IL34: variants seen among roughly 807,000 people sequenced by gnomAD.
IL34 encodes interleukin-34.
In IL34, 17 loss-of-function variants were observed where a neutral mutation model predicts 25.3. The ratio of observed to expected loss-of-function variants is 0.67; its 90% CI spans 0.46 to 1.01. The LOEUF (loss-of-function observed/expected upper bound fraction) is 1.01, where lower values mean the gene tolerates loss of function less well. IL34 is among the 50% of genes least tolerant of loss of function. The pLI is 0.00. For synonymous variants in IL34, 174 were observed against 140.9 expected (o/e 1.23, Z -1.66); for missense variants, 368 against 312.9 (o/e 1.18, Z -1.33).
intron 1 of IL34, among the ~76,000 whole-genome samples, chr16:70,596,777 G>C (rs942645037): frequency 6.6e-6 from 1 of 152,146 alleles, no homozygotes; most frequent in African/African-American, 2.4e-5. Context: ...TTTTTGTAGA[G>C]ACAAGGTCTG....
At chr16:70,610,633 G>T (rs1043903977) in intron 1 of IL34, among the ~76,000 whole-genome samples, 1 of 152,200 alleles carries the variant, frequency 6.6e-6, no homozygotes, top group African/African-American at 2.4e-5. Context: ...GGAAAGTGCC[G>T]CAGAGGGAGT....
In IL34 at chr16:70,654,268, C is replaced by T. The variant is rs535767005; in HGVS notation, c.29-270C>T. 3.5e-4 allele frequency: 107 copies of T among 308,754 alleles called. 1 individual carries two copies. The South Asian group carries it at 0.011, about 31-fold the overall frequency. 19.1% of individuals were successfully genotyped at this position (308,754 alleles called of 1,614,324 possible). On this transcript the variant is annotated intron_variant, in intron 1 of 5. Coordinates refer to ENST00000288098, the MANE Select transcript of IL34 (RefSeq NM_001393494.1). ...GAGCGACAGAAGCGGGGAGACCAGA[C>T]GTCGACCCTGAGGCGTGCCTCCTGG...
chr16:70,612,475 C>T, intron 1 of IL34, among the ~76,000 whole-genome samples: 1 of 152,170 alleles, frequency 6.6e-6, no homozygotes, highest in East Asian at 1.9e-4. Flanking sequence ...AGGTAAGGCC[C>T]ACTCTGCCGT....
intron 1 of IL34, among the ~76,000 whole-genome samples, chr16:70,650,154 C>T (rs1278138050): frequency 6.6e-6 from 1 of 152,122 alleles, no homozygotes; most frequent in Admixed American, 6.6e-5. Flanking sequence ...GTCTCCTGAC[C>T]AAGGTCAGGG....
intron 1 of IL34, among the ~76,000 whole-genome samples, chr16:70,602,592 T>C (rs1355957843): frequency 6.6e-6 from 1 of 150,512 alleles, no homozygotes; most frequent in Admixed American, 6.6e-5. Flanking sequence ...GATGTGTGTG[T>C]GTGTGTGTGT....
At chr16:70,644,907 G>C (rs1597773257), upstream of IL34, among the ~76,000 whole-genome samples, 3 of 119,842 alleles carry the variant, frequency 2.5e-5, no homozygotes, top group Admixed American at 8.2e-5. Context: ...AGGAGGAAGA[G>C]GAGGGAGGAG....
At chr16:70,617,638 T>G (rs2051193698) in intron 1 of IL34, among the ~76,000 whole-genome samples, 1 of 152,186 alleles carries the variant, frequency 6.6e-6, no homozygotes, top group South Asian at 2.1e-4. Context: ...GTAAAAGTAT[T>G]GTCCAGTCCT....
chr16:70,626,941 A>G (rs1053589285), intron 1 of IL34, among the ~76,000 whole-genome samples: 1 of 151,960 alleles, frequency 6.6e-6, no homozygotes, highest in African/African-American at 2.4e-5. Flanking sequence ...CTTTCTGTTC[A>G]TGTTCATTCA....
intron 1 of IL34, among the ~76,000 whole-genome samples, chr16:70,627,261 G>T (rs912444683): frequency 6.6e-6 from 1 of 152,146 alleles, no homozygotes; most frequent in Non-Finnish European, 1.5e-5. Flanking sequence ...ACACAGGAAA[G>T]CTGAAGTATA....
chr16:70,631,752 G>A (rs531168152), intron 1 of IL34, among the ~76,000 whole-genome samples: 40 of 152,232 alleles, frequency 2.6e-4, no homozygotes, highest in African/African-American at 9.1e-4. Flanking sequence ...TACACTGGGC[G>A]GGATAGCCCA....
intron 1 of IL34, among the ~76,000 whole-genome samples, chr16:70,601,152 C>G (rs2151817793): frequency 6.6e-6 from 1 of 152,068 alleles, no homozygotes; most frequent in Non-Finnish European, 1.5e-5. Flanking sequence ...GGTGAGGGTG[C>G]CCTACTGGGC....
At chr16:70,641,163 G>C (rs919504911) in intron 1 of IL34, among the ~76,000 whole-genome samples, 1 of 152,042 alleles carries the variant, frequency 6.6e-6, no homozygotes, top group Admixed American at 6.6e-5. Context: ...AATCATAGCT[G>C]CTTGGGAGGC....
At chr16:70,607,260 C>T (rs759668764) in intron 1 of IL34, among the ~76,000 whole-genome samples, 2 of 152,160 alleles carry the variant, frequency 1.3e-5, no homozygotes, top group South Asian at 4.1e-4. Flanking sequence ...CACCACCACA[C>T]CCAGCTAATT....
chr16:70,621,231 C>A (rs1451306048), intron 1 of IL34, among the ~76,000 whole-genome samples: 1 of 151,976 alleles, frequency 6.6e-6, no homozygotes, highest in African/African-American at 2.4e-5. Context: ...TTGAAGCGTG[C>A]CTGTATAATC....
chr16:70,646,469 G>A (rs1421903037), upstream of IL34: 1 of 159,750 alleles, frequency 6.3e-6, no homozygotes, highest in Non-Finnish European at 1.4e-5. Flanking sequence ...GGCCGTGGGT[G>A]CGGTGTGCGC....
intron 1 of IL34, among the ~76,000 whole-genome samples, chr16:70,631,426 C>T (rs913383067): frequency 1.3e-4 from 20 of 152,232 alleles, no homozygotes; most frequent in African/African-American, 4.8e-4. Flanking sequence ...CAGTCTTTTC[C>T]AATTTATTCT....
chr16:70,649,063 C>A (rs888491378), intron 1 of IL34, among the ~76,000 whole-genome samples: 3 of 152,236 alleles, frequency 2.0e-5, no homozygotes, highest in Admixed American at 6.5e-5. Context: ...ATCTTGACAT[C>A]CTTCATTTAA....
chr16:70,582,145 G>C (rs779561354), intron 1 of IL34, among the ~76,000 whole-genome samples: 1 of 152,244 alleles, frequency 6.6e-6, no homozygotes, highest in Non-Finnish European at 1.5e-5. Flanking sequence ...CGTAACTAGA[G>C]TGAAAGGCTT....
At chr16:70,586,763 A>C (rs1467488166) in intron 1 of IL34, among the ~76,000 whole-genome samples, 1 of 152,168 alleles carries the variant, frequency 6.6e-6, no homozygotes, top group Non-Finnish European at 1.5e-5. Context: ...GCAAGGTGCA[A>C]CTGAGTCTCC....
Sources: gnomAD v4.1 joint callset for allele counts (sites outside exome capture counted in the v4.1 genomes callset) on GRCh38, gnomAD v4.1.1 for gene constraint, MANE v1.5 for transcripts, NCBI Gene and HGNC (gene_info 2026-07-23, HGNC 2026-07-21) for gene names.